The following ZNF514 variants were observed in gnomAD, a reference collection of about 807,000 sequenced individuals.
The protein encoded by ZNF514 is zinc finger protein 514.
A neutral mutation model predicts 9.7 loss-of-function variants in ZNF514; 12 were observed. That is an observed-to-expected ratio of 1.24 (90% CI 0.79 to 2.01). The LOEUF is 2.01. ZNF514 is among the 30% of genes most tolerant of loss of function. The pLI, the probability that ZNF514 is intolerant of heterozygous loss-of-function variation, is 0.00. For missense variants in ZNF514, 467 were observed against 465.5 expected, an observed-to-expected ratio of 1.00 and a Z score of -0.03; for synonymous variants, 158 against 163.7, an observed-to-expected ratio of 0.97 and a Z score of 0.27.
At chr2:95,157,538 C>G in intron 1 of ZNF514, 99 bp from the exon 2 acceptor site, 1 of 587,860 alleles carries the variant, frequency 1.7e-6, no homozygotes. Context: ...CTGAATGTCA[C>G]CTCCGTTGTT....
rs1673395151 is a variant in ZNF514 at position 95,147,653 on chromosome 2, T to TC, written c.*1628_*1629insG. The TC allele has an allele frequency of 6.6e-6, 1 of 151,766 alleles. No homozygotes were observed. The highest frequency in any genetic ancestry group is 2.4e-5 in the African/African-American group (1 of 41,310). The allele number at this position is 151,766 out of a possible 1,614,324, so 9.4% of individuals were successfully genotyped here. ...TATTTTAGTTGTTTTTTTTTTTTTT[T>TC]TCTGAGACGGAGTCTCACTCTGTCT... On this transcript the variant is annotated 3_prime_UTR_variant, in exon 5 of 5. Coordinates refer to ENST00000295208, the MANE Select transcript of ZNF514 (RefSeq NM_032788.3).
intron 1 of ZNF514, 84 bp from the exon 2 acceptor site, chr2:95,157,523 C>A: frequency 1.4e-6 from 1 of 727,058 alleles, no homozygotes; most frequent in South Asian, 1.4e-5. Context: ...AGACCCAGAA[C>A]AGCTCTGAAT....
At chr2:95,129,809 C>G in the ZNF514 span, among the ~76,000 whole-genome samples, 488 of 152,192 alleles carry the variant, frequency 3.2e-3, 1 homozygote, top group Non-Finnish European at 4.6e-3. Flanking sequence ...CCTCAAGGAA[C>G]TGACTTTATT....
intron 4 of ZNF514, 120 bp downstream of exon 4, chr2:95,152,554 T>A (rs1673571914): frequency 1.3e-6 from 1 of 761,762 alleles, no homozygotes; most frequent in Non-Finnish European, 2.2e-6. Flanking sequence ...ATACCAGAGT[T>A]GAGGGCTCCT....
chr2:95,123,338 T>C, the ZNF514 span, among the ~76,000 whole-genome samples: 2 of 152,240 alleles, frequency 1.3e-5, no homozygotes, highest in African/African-American at 4.8e-5. Context: ...TCCTCTCAAG[T>C]ACTGACCATC....
chr2:95,152,632 G>A, intron 4 of ZNF514, 42 bp downstream of exon 4: 2 of 1,561,122 alleles, frequency 1.3e-6, no homozygotes, highest in Non-Finnish European at 1.8e-6. Context: ...TCCCACCCCA[G>A]CTGGGCCTTA....
intron 2 of ZNF514, 30 bp from the exon 3 acceptor site, chr2:95,153,289 C>T: frequency 6.3e-7 from 1 of 1,593,912 alleles, no homozygotes; most frequent in Non-Finnish European, 8.6e-7. Context: ...CCAGTGTCCA[C>T]TTATATGCTT....
In ZNF514 at chr2:95,145,655, C is replaced by A. The variant is rs1225443796; in HGVS notation, c.*3627G>T. Among the ~76,000 whole-genome samples, 1 of 152,168 alleles carries A rather than the reference C, an allele frequency of 6.6e-6. No homozygotes were observed. Among genetic ancestry groups the A allele is most frequent in the Non-Finnish European group, 1.5e-5 (1 of 68,036 alleles). ...GGCCCTCCCTCTGTCCCTGTCCCTT[C>A]CCCACCAGCTTCAAGTTGTCCTGCC... On this transcript the variant is annotated 3_prime_UTR_variant, in exon 5 of 5. Transcript: ENST00000295208.
chr2:95,150,046 G>C lies in ZNF514; in HGVS notation c.439C>G (p.Leu147Val), dbSNP rs757539071. The C allele has an allele frequency of 3.7e-6, 6 of 1,614,128 alleles. No homozygotes were observed. The highest frequency in any genetic ancestry group is 2.7e-5 in the African/African-American group (2 of 75,032). ...MSTIHKSATTLSRDYKWNGFG... is the reference protein window; with the variant it reads ...MSTIHKSATTVSRDYKWNGFG... ...CCATTCCATTTATAATCTCTGCTAA[G>C]GGTGGTGGCAGATTTGTGAATGGTT... The change falls in exon 5 of 5, where the codon CTT becomes GTT. Residue 147 changes from leucine to valine, a missense_variant. Physicochemically the swap from Leu to Val is conservative, Grantham distance 32 (BLOSUM62 1). Coordinates refer to ENST00000295208, the MANE Select transcript of ZNF514 (RefSeq NM_032788.3).
rs182840500 is a variant in ZNF514, at chr2:95,146,041, T to C, written c.*3241A>G. Among the ~76,000 whole-genome samples, 78 of 152,348 alleles carry C rather than the reference T, an allele frequency of 5.1e-4. No individual in the cohort carries two copies. Among genetic ancestry groups the C allele is most frequent in the African/African-American group, 1.8e-3 (74 of 41,576 alleles). On this transcript the variant is annotated 3_prime_UTR_variant, in exon 5 of 5. Coordinates refer to ENST00000295208, the MANE Select transcript of ZNF514 (RefSeq NM_032788.3). ...TCTATTTTGGCGTAAAACACTTTGATTTCTCTCAGGACTTACTGTCATGTT... is the reference window on the plus strand; with the variant it reads ...TCTATTTTGGCGTAAAACACTTTGACTTCTCTCAGGACTTACTGTCATGTT...
Position 95,149,911 on chromosome 2 carries a change from T to C in ZNF514, c.574A>G (p.Asn192Asp). ...DTEFRQTLGG[N>D]NSQRTHPEKK... ...TCTGGGTGGGTTCTCTGAGAGTTGT[T>C]TCCCCCTAAAGTCTGCCTGAATTCT... Residue 192 changes from asparagine to aspartate, a missense_variant, in exon 5 of 5, where the codon AAC (asparagine) becomes GAC (aspartate). Physicochemically the swap from Asn to Asp is conservative, Grantham distance 23 (BLOSUM62 1). Transcript: ENST00000295208. 6.2e-7 allele frequency: 1 copy of C among 1,614,222 alleles called. No homozygotes were observed. The highest frequency in any genetic ancestry group is 8.5e-7 in the Non-Finnish European group (1 of 1,180,032).
the ZNF514 span, among the ~76,000 whole-genome samples, chr2:95,125,777 G>T: frequency 1.7e-3 from 253 of 152,270 alleles, 1 homozygote; most frequent in African/African-American, 5.9e-3. Context: ...CAGGTATAGC[G>T]TGTGCCAGAA....
the ZNF514 span, among the ~76,000 whole-genome samples, chr2:95,129,259 C>T: frequency 1.3e-5 from 2 of 152,266 alleles, no homozygotes; most frequent in South Asian, 2.1e-4. Context: ...GTCCTAAGGA[C>T]GTGCAGCAAA....
the ZNF514 span, among the ~76,000 whole-genome samples, chr2:95,125,126 ACCTCAGACTC>A: frequency 6.7e-6 from 1 of 150,302 alleles, no homozygotes; most frequent in African/African-American, 2.5e-5. Flanking sequence ...CGATCCGCCC[ACCTCAGACTC>A]CCAAAGTGCT....
rs759370813 is a variant in ZNF514, at chr2:95,152,821, CTT to C, written c.122-54_122-53del. The C allele has an allele frequency of 6.1e-6, 9 of 1,474,922 alleles. No homozygotes were observed. The African/African-American group carries it at 1.2e-4, about 20-fold the overall frequency. The allele number at this position is 1,474,922 out of a possible 1,614,324, so 91.4% of individuals were successfully genotyped here. On this transcript the variant is annotated intron_variant, in intron 3 of 4. Coordinates refer to ENST00000295208, the MANE Select transcript of ZNF514 (RefSeq NM_032788.3). Reference sequence around the variant, plus strand: ...TGGTTGTGTGTGCCAGTGGCCAAGTCTTTGGATATTCATCTTCAAGGTGGAGA... The same window carrying C: ...TGGTTGTGTGTGCCAGTGGCCAAGTCTGGATATTCATCTTCAAGGTGGAGA...
At chr2:95,126,371 CAAAAAAAAAAA>C in the ZNF514 span, among the ~76,000 whole-genome samples, 1 of 51,432 alleles carries the variant, frequency 1.9e-5, no homozygotes, top group Admixed American at 2.0e-4. Flanking sequence ...AACTCCATCT[CAAAAAAAAAAA>C]AAAAAAAAAA....
the ZNF514 span, among the ~76,000 whole-genome samples, chr2:95,133,928 G>T: frequency 5.6e-4 from 85 of 152,282 alleles, no homozygotes; most frequent in African/African-American, 1.9e-3. Flanking sequence ...GTTTTGCAAA[G>T]TGTTACCATT....
In ZNF514 at chr2:95,150,130, A is replaced by G; in HGVS notation, c.355T>C (p.Cys119Arg). The change falls in exon 5 of 5, where the codon TGT becomes CGT. Residue 119 changes from cysteine to arginine, a missense_variant. Transcript: ENST00000295208. The part of the protein sequence containing the change: ...QFSKLKAACG[C>R]DGQLEMQQIK... ...TGCTGCATCTCTAACTGGCCATCAC[A>G]ACCGCAGGCTGCTTTCAACTTCGAG... 1 of 1,611,814 alleles carries G rather than the reference A, an allele frequency of 6.2e-7. No individual in the cohort carries two copies.
rs185768474 is a variant in ZNF514 at position 95,146,804 on chromosome 2, G to C, written c.*2478C>G. On this transcript the variant is annotated 3_prime_UTR_variant, in exon 5 of 5. Transcript: ENST00000295208. ...AAGTGATCTGGGTAGGTACAGAAAA[G>C]GGCACTGGGAAAAAAGGGAGAGACG... Among the ~76,000 whole-genome samples, 1 of 151,880 alleles carries C rather than the reference G, an allele frequency of 6.6e-6. No individual in the cohort carries two copies. The highest frequency in any genetic ancestry group is 1.5e-5 in the Non-Finnish European group (1 of 67,984).
Sources: allele counts gnomAD v4.1 joint callset (sites outside exome capture counted in the v4.1 genomes callset), GRCh38; gene constraint gnomAD v4.1.1; transcripts MANE v1.5; gene names NCBI Gene and HGNC (gene_info 2026-07-23, HGNC 2026-07-21).